The following ZBTB20 variants were observed in gnomAD, a reference collection of about 807,000 sequenced individuals.
The protein encoded by ZBTB20 is zinc finger and BTB domain-containing protein 20.
A neutral mutation model predicts 56.9 loss-of-function variants in ZBTB20; 9 were observed. That is an observed-to-expected ratio of 0.16 (90% CI 0.10 to 0.28). The LOEUF is 0.28. Ranked by LOEUF, ZBTB20 falls within the 10% of genes least tolerant of loss-of-function variation. The pLI, the probability that ZBTB20 is intolerant of heterozygous loss-of-function variation, is 1.00. For missense variants in ZBTB20, 655 were observed against 1,003.0 expected, an observed-to-expected ratio of 0.65 and a Z score of 4.69; for synonymous variants, 417 against 420.7, an observed-to-expected ratio of 0.99 and a Z score of 0.11.
At chr3:114,448,298 A>G (rs962539402) in intron 7 of ZBTB20, among the ~76,000 whole-genome samples, 1 of 152,118 alleles carries the variant, frequency 6.6e-6, no homozygotes, top group African/African-American at 2.4e-5. Context: ...AAAAGTATAA[A>G]AACAGCTGAT....
intron 6 of ZBTB20, among the ~76,000 whole-genome samples, chr3:114,531,005 A>G (rs1481165195): frequency 2.0e-5 from 3 of 151,974 alleles, no homozygotes; most frequent in African/African-American, 7.2e-5. Context: ...CATCTTATCT[A>G]GTCTTATGGC....
At chr3:114,592,868 A>G (rs746816418) in intron 6 of ZBTB20, among the ~76,000 whole-genome samples, 1 of 152,148 alleles carries the variant, frequency 6.6e-6, no homozygotes, top group Non-Finnish European at 1.5e-5. Flanking sequence ...GTCTATTCTT[A>G]TACATTCACA....
chr3:114,422,693 A>G (rs1461140319), intron 7 of ZBTB20, among the ~76,000 whole-genome samples: 2 of 152,104 alleles, frequency 1.3e-5, no homozygotes, highest in East Asian at 3.9e-4. Context: ...TAGACATCAA[A>G]CTTAGTTCTG....
At chr3:115,143,412 C>G (rs2084875036) in intron 1 of ZBTB20, among the ~76,000 whole-genome samples, 1 of 152,128 alleles carries the variant, frequency 6.6e-6, no homozygotes, top group Non-Finnish European at 1.5e-5. Flanking sequence ...GCACCTTAGT[C>G]CCAGCTACTA....
At chr3:114,432,203 T>C (rs1420496096) in intron 7 of ZBTB20, among the ~76,000 whole-genome samples, 2 of 150,528 alleles carry the variant, frequency 1.3e-5, no homozygotes, top group Non-Finnish European at 2.9e-5. Context: ...GATATAATCC[T>C]GCTTTGATAT....
Position 114,467,863 on chromosome 3 carries a change from A to G in ZBTB20, c.-255+32489T>C, listed in dbSNP as rs193095489. On this transcript the variant is annotated intron_variant, in intron 7 of 11. Transcript: ENST00000675478. ...CAGGAAGTATTTTTGAGCATTTCCTAACTCCAAGGTATTGTGCTAAACGCT... is the reference window on the plus strand; with the variant it reads ...CAGGAAGTATTTTTGAGCATTTCCTGACTCCAAGGTATTGTGCTAAACGCT... Among the ~76,000 whole-genome samples, 231 of 152,294 alleles carry G rather than the reference A, an allele frequency of 1.5e-3. 1 individual carries two copies. The highest frequency in any genetic ancestry group is 0.01 in the Middle Eastern group (3 of 294).
chr3:114,341,148 A>G (rs752794288), intron 11 of ZBTB20, among the ~76,000 whole-genome samples: 38 of 152,230 alleles, frequency 2.5e-4, no homozygotes, highest in Non-Finnish European at 4.7e-4. Flanking sequence ...GTAAGATCAC[A>G]TGGTTAGAAG....
At chr3:114,674,152 C>T (rs2061505005) in intron 6 of ZBTB20, among the ~76,000 whole-genome samples, 1 of 152,036 alleles carries the variant, frequency 6.6e-6, no homozygotes, top group Admixed American at 6.6e-5. Context: ...GGGGCTGAAC[C>T]CAGAACTTTC....
intron 6 of ZBTB20, among the ~76,000 whole-genome samples, chr3:114,615,670 T>C (rs963935687): frequency 6.6e-6 from 1 of 152,192 alleles, no homozygotes; most frequent in Non-Finnish European, 1.5e-5. Flanking sequence ...CTTAAGCCTG[T>C]ATCAGCTGCA....
chr3:114,896,868 T>C (rs1425928967), intron 4 of ZBTB20, among the ~76,000 whole-genome samples: 1 of 152,130 alleles, frequency 6.6e-6, no homozygotes, highest in Non-Finnish European at 1.5e-5. Context: ...ATTTTTATAA[T>C]ATCTTCTAAG....
In ZBTB20 at chr3:114,351,406, G is replaced by C; in HGVS notation, c.672C>G (p.Ser224Arg). Residue 224 changes from serine to arginine, a missense_variant, in exon 11 of 12, where the codon AGC (serine) becomes AGG (arginine). This residue lies in a region of ZBTB20 where 167 missense variants were observed against 281.9 expected (regional missense o/e 0.59). Transcript: ENST00000675478. ...GCAGGTAGCCCGACTCCGTGTCGCTGCTCTGGCCTGACGTGCCTGACTCGG... is the reference window on the plus strand; with the variant it reads ...GCAGGTAGCCCGACTCCGTGTCGCTCCTCTGGCCTGACGTGCCTGACTCGG... The part of the protein sequence containing the change: ...GTPESGTSGQ[S>R]SDTESGYLQS... The C allele has an allele frequency of 1.2e-6, 2 of 1,612,728 alleles. No homozygotes were observed. Among genetic ancestry groups the C allele is most frequent in the Non-Finnish European group, 1.7e-6 (2 of 1,179,974 alleles).
intron 5 of ZBTB20, among the ~76,000 whole-genome samples, chr3:114,709,554 C>A (rs1470519713): frequency 3.3e-5 from 5 of 152,160 alleles, no homozygotes; most frequent in African/African-American, 9.7e-5. Context: ...GCTACTCACA[C>A]AGGACTATTA....
chr3:114,842,251 T>C (rs1358963210), intron 4 of ZBTB20, among the ~76,000 whole-genome samples: 1 of 152,138 alleles, frequency 6.6e-6, no homozygotes, highest in Admixed American at 6.6e-5. Flanking sequence ...GACTGTTGCC[T>C]AGGTGTCATT....
chr3:114,410,381 G>T (rs1270102485), intron 7 of ZBTB20, among the ~76,000 whole-genome samples: 1 of 152,092 alleles, frequency 6.6e-6, no homozygotes, highest in Non-Finnish European at 1.5e-5. Context: ...GATTTAATGA[G>T]GGGCTTAGGA....
intron 6 of ZBTB20, among the ~76,000 whole-genome samples, chr3:114,681,701 A>T (rs1297068914): frequency 6.6e-6 from 1 of 152,182 alleles, no homozygotes; most frequent in Non-Finnish European, 1.5e-5. Context: ...AACATTTTGA[A>T]CCTATCCAAT....
intron 1 of ZBTB20, among the ~76,000 whole-genome samples, chr3:115,085,040 C>T (rs898981458): frequency 4.6e-5 from 7 of 152,000 alleles, no homozygotes; most frequent in Non-Finnish European, 7.4e-5. Flanking sequence ...CATGTGAAAA[C>T]GATAGTTCAT....
At chr3:114,435,528 C>T (rs1214082918) in intron 7 of ZBTB20, among the ~76,000 whole-genome samples, 1 of 152,172 alleles carries the variant, frequency 6.6e-6, no homozygotes, top group African/African-American at 2.4e-5. Flanking sequence ...TGCTCCTCAC[C>T]ATGCCTTGCC....
intron 6 of ZBTB20, among the ~76,000 whole-genome samples, chr3:114,547,386 A>C (rs1428266435): frequency 6.6e-6 from 1 of 152,222 alleles, no homozygotes; most frequent in Non-Finnish European, 1.5e-5. Context: ...TCAGCCCTTG[A>C]AAATAAATAA....
chr3:114,925,538 T>C (rs141596583), intron 3 of ZBTB20, among the ~76,000 whole-genome samples: 47 of 152,162 alleles, frequency 3.1e-4, no homozygotes, highest in African/African-American at 1.1e-3. Flanking sequence ...TTTGTTTTGT[T>C]TTGTCTTGAG....
Sources: gnomAD v4.1 joint callset for allele counts (sites outside exome capture counted in the v4.1 genomes callset) on GRCh38, gnomAD v4.1.1 for gene constraint, gnomAD v4.1.1 regional missense constraint, MANE v1.5 for transcripts, NCBI Gene and HGNC (gene_info 2026-07-23, HGNC 2026-07-21) for gene names.